Variants in ZFPM2 observed in about 807,000 individuals in gnomAD.
The protein encoded by ZFPM2 is zinc finger protein, FOG family member 2.
In ZFPM2, 20 loss-of-function variants were observed where a neutral mutation model predicts 98.6. The ratio of observed to expected loss-of-function variants is 0.20; its 90% CI spans 0.14 to 0.29. The LOEUF (loss-of-function observed/expected upper bound fraction) is 0.29, where lower values mean the gene tolerates loss of function less well. Among genes scored for constraint, ZFPM2 ranks in the 10% least tolerant of loss-of-function variants. The pLI is 1.00. For synonymous variants in ZFPM2, 518 were observed against 502.7 expected (o/e 1.03, Z -0.41); for missense variants, 1,310 against 1,388.6 (o/e 0.94, Z 0.90).
At chr8:105,663,266 G>A (rs186929974) in intron 5 of ZFPM2, among the ~76,000 whole-genome samples, 214 of 152,246 alleles carry the variant, frequency 1.4e-3, no homozygotes, top group Non-Finnish European at 2.1e-3. Context: ...TAACAGTCAC[G>A]CAGATAATTA....
chr8:105,516,360 G>A (rs1813921356), intron 3 of ZFPM2, among the ~76,000 whole-genome samples: 1 of 152,170 alleles, frequency 6.6e-6, no homozygotes, highest in East Asian at 1.9e-4. Flanking sequence ...TGGGAAGGCA[G>A]TGTGTGTGTT....
At chr8:105,691,221 C>T (rs1416132632) in intron 5 of ZFPM2, among the ~76,000 whole-genome samples, 1 of 128,806 alleles carries the variant, frequency 7.8e-6, no homozygotes, top group Non-Finnish European at 1.6e-5. Context: ...GCGCCCTGTT[C>T]CCAAAGAGAC....
intron 3 of ZFPM2, among the ~76,000 whole-genome samples, chr8:105,477,764 C>A (rs970118301): frequency 3.3e-5 from 5 of 152,154 alleles, no homozygotes; most frequent in Admixed American, 2.6e-4. Context: ...GGTAATGGAT[C>A]TTCCATTCTA....
rs552753124 is a variant in ZFPM2 at position 105,535,444 on chromosome 8, T to G, written c.302-25919T>G. 2.0e-5 allele frequency among the ~76,000 whole-genome samples: 3 copies of G among 152,260 alleles called. No homozygotes were observed. In the South Asian group the frequency reaches 6.2e-4, roughly 32 times the overall value. ...ACTGTTGGGGAAATGTTTCAAAAACTCACTCGTATGTTGCATATAATAAAC... is the reference window on the plus strand; with the variant it reads ...ACTGTTGGGGAAATGTTTCAAAAACGCACTCGTATGTTGCATATAATAAAC... On this transcript the variant is annotated intron_variant, in intron 3 of 7. Coordinates refer to ENST00000407775, the MANE Select transcript of ZFPM2 (RefSeq NM_012082.4).
intron 4 of ZFPM2, among the ~76,000 whole-genome samples, chr8:105,630,866 G>C (rs543008191): frequency 4.6e-5 from 7 of 152,180 alleles, no homozygotes; most frequent in East Asian, 1.9e-4. Context: ...TTGGAGGGAG[G>C]GGGGAGTGGA....
chr8:105,608,261 G>A (rs1328142415), intron 4 of ZFPM2, among the ~76,000 whole-genome samples: 2 of 151,954 alleles, frequency 1.3e-5, no homozygotes, highest in African/African-American at 2.4e-5. Context: ...GAAATAAGCT[G>A]TACAACAAGT....
intron 5 of ZFPM2, among the ~76,000 whole-genome samples, chr8:105,651,597 A>T (rs1817178168): frequency 6.6e-6 from 1 of 152,056 alleles, no homozygotes; most frequent in South Asian, 2.1e-4. Context: ...TTTAGTGTGT[A>T]TCAACACCTC....
chr8:105,773,416 T>C (rs926325187), intron 5 of ZFPM2, among the ~76,000 whole-genome samples: 1 of 152,138 alleles, frequency 6.6e-6, no homozygotes, highest in African/African-American at 2.4e-5. Flanking sequence ...GTTTTAGATG[T>C]AGAAGTAATA....
At chr8:105,325,458 A>G (rs1463557430) in intron 1 of ZFPM2, among the ~76,000 whole-genome samples, 1 of 151,686 alleles carries the variant, frequency 6.6e-6, no homozygotes, top group Admixed American at 6.6e-5. Flanking sequence ...GCTTGTAGGG[A>G]TCAATATTAG....
chr8:105,528,090 A>C lies in ZFPM2; in HGVS notation c.302-33273A>C, dbSNP rs138074187. On this transcript the variant is annotated intron_variant, in intron 3 of 7. Coordinates refer to ENST00000407775, the MANE Select transcript of ZFPM2 (RefSeq NM_012082.4). ...TAGGTAAATAAAACATAGTTTGCAGACTGCACTTCTAGAAATGGATGCAGA... is the reference window on the plus strand; with the variant it reads ...TAGGTAAATAAAACATAGTTTGCAGCCTGCACTTCTAGAAATGGATGCAGA... Among the ~76,000 whole-genome samples the C allele has an allele frequency of 5.5e-3, 839 of 152,276 alleles. 6 individuals carry two copies. The highest frequency in any genetic ancestry group is 0.019 in the African/African-American group (805 of 41,558).
rs534513306 is a variant in ZFPM2, at chr8:105,571,690, C to T, written c.420+10209C>T. On this transcript the variant is annotated intron_variant, in intron 4 of 7. Coordinates refer to ENST00000407775, the MANE Select transcript of ZFPM2 (RefSeq NM_012082.4). ...TCTCAGCTTGACATGACAATTAATA[C>T]ATTCAGTAACTTGGAGATGATAACA... Among the ~76,000 whole-genome samples the T allele has an allele frequency of 3.3e-5, 5 of 152,338 alleles. No individual in the cohort carries two copies. The South Asian group carries it at 1.0e-3, about 32-fold the overall frequency.
At chr8:105,326,220 G>A (rs530736805) in intron 1 of ZFPM2, among the ~76,000 whole-genome samples, 4 of 151,714 alleles carry the variant, frequency 2.6e-5, no homozygotes, top group African/African-American at 7.2e-5. Context: ...ATAAAAGATC[G>A]TAGGTTTCCA....
intron 5 of ZFPM2, among the ~76,000 whole-genome samples, chr8:105,747,821 G>T (rs1375031239): frequency 6.6e-6 from 1 of 152,074 alleles, no homozygotes; most frequent in African/African-American, 2.4e-5. Flanking sequence ...TGATGCATTA[G>T]TATTGCATAG....
At chr8:105,522,416 AC>A (rs1298241728) in intron 3 of ZFPM2, among the ~76,000 whole-genome samples, 1 of 152,204 alleles carries the variant, frequency 6.6e-6, no homozygotes, top group Non-Finnish European at 1.5e-5. Context: ...GAGAAGTACA[AC>A]ATTGTGATTT....
chr8:105,720,516 A>G (rs1811635645), intron 5 of ZFPM2, among the ~76,000 whole-genome samples: 1 of 151,898 alleles, frequency 6.6e-6, no homozygotes. Flanking sequence ...TGTATTGTGC[A>G]TGTGCCTCCA....
chr8:105,521,435 C>T (rs1056352899), intron 3 of ZFPM2, among the ~76,000 whole-genome samples: 3 of 151,314 alleles, frequency 2.0e-5, no homozygotes, highest in African/African-American at 7.3e-5. Context: ...TCAATCATCA[C>T]AGTATTAATT....
intron 5 of ZFPM2, among the ~76,000 whole-genome samples, chr8:105,666,200 T>A (rs1440044055): frequency 6.6e-6 from 1 of 152,080 alleles, no homozygotes; most frequent in Non-Finnish European, 1.5e-5. Flanking sequence ...ACCACTGCCA[T>A]CTCACATAAC....
rs891844134 is a variant in ZFPM2, at chr8:105,781,368, C to A, written c.533-7350C>A. On this transcript the variant is annotated intron_variant, in intron 5 of 7. Coordinates refer to ENST00000407775, the MANE Select transcript of ZFPM2 (RefSeq NM_012082.4). ...GTGAAGTGCTTAGAACAGTGCCTGG[C>A]ACATAGTAAGTGCTTTCTAAGTGTT... 3.3e-5 allele frequency among the ~76,000 whole-genome samples: 5 copies of A among 152,314 alleles called. No homozygotes were observed. The East Asian group carries it at 9.6e-4, about 29-fold the overall frequency.
At chr8:105,661,744 T>C (rs1039670429) in intron 5 of ZFPM2, among the ~76,000 whole-genome samples, 4 of 151,908 alleles carry the variant, frequency 2.6e-5, no homozygotes, top group Admixed American at 1.3e-4. Context: ...CCATAAAGAC[T>C]GAAATGTTAA....
Sources: allele counts gnomAD v4.1 joint callset (sites outside exome capture counted in the v4.1 genomes callset), GRCh38; gene constraint gnomAD v4.1.1; transcripts MANE v1.5; gene names NCBI Gene and HGNC (gene_info 2026-07-23, HGNC 2026-07-21).